The following OCRL variants were observed in gnomAD, a reference collection of about 807,000 sequenced individuals.
The protein encoded by OCRL is inositol polyphosphate 5-phosphatase OCRL.
OCRL carries 8 observed loss-of-function variants against 78.9 expected under a neutral mutation model. The ratio of observed to expected loss-of-function variants is 0.10; its 90% confidence interval spans 0.06 to 0.18. The LOEUF (loss-of-function observed/expected upper bound fraction) is 0.18. Ranked by LOEUF, OCRL falls within the 10% of genes least tolerant of loss-of-function variation. The pLI, the probability that OCRL is intolerant of heterozygous loss-of-function variation, is 1.00. For missense variants in OCRL, 454 were observed against 696.7 expected (o/e 0.65, Z 3.92); for synonymous variants, 240 against 235.4 (o/e 1.02, Z -0.18).
intron 19 of OCRL, 36 bp downstream of exon 19, chrX:129,584,403 T>TCATAATCAAGTTAA: frequency 8.6e-7 from 1 of 1,161,429 alleles, no homozygotes; most frequent in Middle Eastern, 2.4e-4. Flanking sequence ...AGAGTTTCCC[T>TCATAATCAAGTTAA]GTGCTTGATT....
At chrX:129,553,959 A>T (rs372844553) in intron 4 of OCRL, among the ~76,000 whole-genome samples, 3 of 110,350 alleles carry the variant, frequency 2.7e-5, no homozygotes, top group African/African-American at 9.9e-5. Context: ...ACAGAAAGGC[A>T]ATTAGTTGGA....
intron 15 of OCRL, among the ~76,000 whole-genome samples, chrX:129,573,955 G>C (rs1936335949): frequency 2.7e-5 from 3 of 111,996 alleles, no homozygotes. Context: ...ATTTGGGTTG[G>C]TTCCATGTCT....
At chrX:129,584,050 G>A (rs779759860) in intron 18 of OCRL, among the ~76,000 whole-genome samples, 2 of 111,716 alleles carry the variant, frequency 1.8e-5, no homozygotes, top group African/African-American at 3.3e-5. Flanking sequence ...GACATCAGGG[G>A]CATTTGGCTG....
chrX:129,578,139 T>C (rs1936396942), intron 18 of OCRL, among the ~76,000 whole-genome samples: 1 of 111,834 alleles, frequency 8.9e-6, no homozygotes, highest in East Asian at 2.8e-4. Context: ...CCTGCATCTC[T>C]TAACAAAAAG....
chrX:129,554,177 G>A (rs1936005883), intron 4 of OCRL, among the ~76,000 whole-genome samples: 1 of 110,197 alleles, frequency 9.1e-6, no homozygotes, highest in African/African-American at 3.3e-5. Flanking sequence ...GTTACAATGG[G>A]GATAATGAGC....
chrX:129,571,691 T>A (rs1936304939), intron 15 of OCRL, among the ~76,000 whole-genome samples: 1 of 111,585 alleles, frequency 9.0e-6, no homozygotes, highest in Non-Finnish European at 1.9e-5. Flanking sequence ...GTGGGATATT[T>A]ACATTTTTTT....
Position 129,574,122 on chromosome X carries a change from A to G in OCRL, c.1603-1018A>G, listed in dbSNP as rs554648963. On this transcript the variant is annotated intron_variant, in intron 15 of 23. Coordinates refer to ENST00000371113, the MANE Select transcript of OCRL (RefSeq NM_000276.4). ...TTGAGGAATCGCCACACTGTCTTGC[A>G]CAATGGTTGAACTAATTTACACTCC... 3.0e-4 allele frequency among the ~76,000 whole-genome samples: 34 copies of G among 111,559 alleles called. No individual in the cohort carries two copies. In the South Asian group the frequency reaches 0.012, roughly 39 times the overall value.
intron 15 of OCRL, among the ~76,000 whole-genome samples, chrX:129,573,181 C>A (rs1184459437): frequency 9.0e-6 from 1 of 111,564 alleles, no homozygotes; most frequent in Non-Finnish European, 1.9e-5. Flanking sequence ...GTCTGAGATA[C>A]TTGACTCAGC....
chrX:129,567,222 C>T (rs752967144), intron 13 of OCRL, 32 bp from the exon 14 acceptor site: 1 of 976,040 alleles, frequency 1.0e-6, no homozygotes, highest in Admixed American at 2.2e-5. Flanking sequence ...ATAGTGTTAT[C>T]CTGCTTATTT....
In OCRL at chrX:129,588,883, C is replaced by T. The variant is rs925830536; in HGVS notation, c.2342-3C>T. The T allele has an allele frequency of 9.9e-6, 12 of 1,209,877 alleles. No individual in the cohort carries two copies. The highest frequency in any genetic ancestry group is 1.7e-5 in the African/African-American group (1 of 57,312). On this transcript the variant is annotated splice_polypyrimidine_tract_variant and splice_region_variant and intron_variant, in intron 21 of 23. Transcript: ENST00000371113. ...TCCTTTCCCTTGACTTAAGTTGATTCAGCTGGCAGCAACCACTCTGTGGCT... is the reference window on the plus strand; with the variant it reads ...TCCTTTCCCTTGACTTAAGTTGATTTAGCTGGCAGCAACCACTCTGTGGCT...
rs760831010 is a variant in OCRL at position 129,569,404 on chromosome X, A to G, written c.1602+5A>G. 55 of 1,206,368 alleles carry G rather than the reference A, an allele frequency of 4.6e-5. No individual in the cohort carries two copies. The highest frequency in any genetic ancestry group is 7.0e-5 in the African/African-American group (4 of 57,018). ...AGCGCCCTCTTCCATATTGGGGTAA[A>G]CACTTGTTTGTACATTCATTTATTT... On this transcript the variant is annotated splice_donor_5th_base_variant and intron_variant, in intron 15 of 23. Transcript: ENST00000371113.
chrX:129,544,537 T>C (rs1014724262), intron 2 of OCRL, among the ~76,000 whole-genome samples: 4 of 111,781 alleles, frequency 3.6e-5, no homozygotes, highest in African/African-American at 1.3e-4. Flanking sequence ...AATTTTCTAA[T>C]TCATTGATTC....
intron 14 of OCRL, among the ~76,000 whole-genome samples, chrX:129,568,529 G>A (rs1936253441): frequency 8.9e-6 from 1 of 111,840 alleles, no homozygotes; most frequent in Admixed American, 9.5e-5. Flanking sequence ...TGCCATGTTT[G>A]TTTCACTCAC....
chrX:129,580,325 T>C (rs892599815), intron 18 of OCRL, among the ~76,000 whole-genome samples: 1 of 111,936 alleles, frequency 8.9e-6, no homozygotes, highest in Non-Finnish European at 1.9e-5. Context: ...GAAAAGACCA[T>C]GTATGAAAAA....
chrX:129,581,781 C>T (rs778432925), intron 18 of OCRL, among the ~76,000 whole-genome samples: 15 of 93,625 alleles, frequency 1.6e-4, no homozygotes, highest in African/African-American at 5.7e-4. Context: ...AAGATGTTTA[C>T]CTTCTTCTGC....
chrX:129,564,614 C>T (rs1176656872), intron 12 of OCRL, among the ~76,000 whole-genome samples: 3 of 110,327 alleles, frequency 2.7e-5, no homozygotes, highest in Admixed American at 9.7e-5. Flanking sequence ...AGTAAACTAT[C>T]GCAAGAACAA....
chrX:129,560,703 A>G, intron 9 of OCRL, 52 bp downstream of exon 9: 3 of 871,868 alleles, frequency 3.4e-6, no homozygotes, highest in Non-Finnish European at 5.1e-6. Context: ...GTGTTCATTT[A>G]CATGATGTTT....
chrX:129,567,183 T>G (rs1442976396), intron 13 of OCRL, 71 bp from the exon 14 acceptor site: 1 of 722,922 alleles, frequency 1.4e-6, no homozygotes, highest in Admixed American at 2.3e-5. Flanking sequence ...GAACAGTGGC[T>G]TATCAACCTG....
Position 129,562,670 on chromosome X carries a change from G to T in OCRL, c.1128G>T (p.Leu376=), listed in dbSNP as rs375451344. 185 of 1,209,327 alleles carry T rather than the reference G, an allele frequency of 1.5e-4. No individual in the cohort carries two copies. The highest frequency in any genetic ancestry group is 2.0e-4 in the Non-Finnish European group (183 of 894,539). Residue 376 remains leucine (L), a synonymous_variant, in exon 12 of 24, where the codon CTG becomes CTT. Transcript: ENST00000371113. ...CCTTTTGCATTGTCAATTCCCATCTGGCTGCACACGTGGAGGACTTTGAGA... is the reference window on the plus strand; with the variant it reads ...CCTTTTGCATTGTCAATTCCCATCTTGCTGCACACGTGGAGGACTTTGAGA... ...NTTFCIVNSH[L]AAHVEDFERR...
Sources: gnomAD v4.1 joint callset for allele counts (sites outside exome capture counted in the v4.1 genomes callset) on GRCh38, gnomAD v4.1.1 for gene constraint, MANE v1.5 for transcripts, NCBI Gene and HGNC (gene_info 2026-07-23, HGNC 2026-07-21) for gene names.